Variants in TAFA1 observed in about 807,000 individuals in gnomAD.
TAFA1 encodes the protein chemokine-like protein TAFA-1.
Under a neutral mutation model 18.5 loss-of-function variants are expected in TAFA1, and 4 were observed. The ratio of observed to expected loss-of-function variants is 0.22; its 90% CI spans 0.11 to 0.49. The LOEUF (loss-of-function observed/expected upper bound fraction) is 0.49, where lower values mean the gene tolerates loss of function less well. Among genes scored for constraint, TAFA1 ranks in the 20% least tolerant of loss-of-function variants. TAFA1 has a pLI of 0.98. For synonymous variants in TAFA1, 56 were observed against 55.2 expected (o/e 1.01, Z -0.06); for missense variants, 147 against 169.0 (o/e 0.87, Z 0.72).
chr3:68,169,852 CAGA>C (rs1199298567), intron 2 of TAFA1, among the ~76,000 whole-genome samples: 1 of 152,068 alleles, frequency 6.6e-6, no homozygotes, highest in Middle Eastern at 3.2e-3. Flanking sequence ...AGCAGCTGGC[CAGA>C]AGATTTGATG....
At chr3:68,379,158 C>A (rs2069878512) in intron 2 of TAFA1, among the ~76,000 whole-genome samples, 1 of 152,192 alleles carries the variant, frequency 6.6e-6, no homozygotes, top group Admixed American at 6.5e-5. Flanking sequence ...TTCTTCACAA[C>A]CATGCTAGCA....
chr3:68,363,448 T>C (rs2069510055), intron 2 of TAFA1, among the ~76,000 whole-genome samples: 1 of 152,110 alleles, frequency 6.6e-6, no homozygotes. Flanking sequence ...ACTTGATAGA[T>C]GAAAACACCA....
At chr3:68,414,535 C>T (rs2070775369) in intron 2 of TAFA1, among the ~76,000 whole-genome samples, 1 of 152,136 alleles carries the variant, frequency 6.6e-6, no homozygotes, top group Admixed American at 6.6e-5. Flanking sequence ...TATTTAACCC[C>T]TCTGAGCCTC....
chr3:68,481,084 A>G (rs886278000), intron 3 of TAFA1, among the ~76,000 whole-genome samples: 5 of 152,198 alleles, frequency 3.3e-5, no homozygotes, highest in African/African-American at 1.2e-4. Flanking sequence ...TTCTTTATAA[A>G]TTACTCAGAC....
the TAFA1 span, among the ~76,000 whole-genome samples, chr3:67,995,308 G>C: frequency 6.6e-6 from 1 of 152,072 alleles, no homozygotes; most frequent in Non-Finnish European, 1.5e-5. Context: ...GAACCACTTA[G>C]GGAGCTTTGA....
chr3:68,387,130 T>C (rs2070122688), intron 2 of TAFA1, among the ~76,000 whole-genome samples: 1 of 151,886 alleles, frequency 6.6e-6, no homozygotes, highest in Admixed American at 6.6e-5. Flanking sequence ...AAGAGTGTGA[T>C]GGAACAAATC....
At position 68,287,914 on chromosome 3, in the gene TAFA1, T is replaced by A. The variant is rs77789652; in HGVS notation, c.119-129366T>A. Among the ~76,000 whole-genome samples the A allele has an allele frequency of 3.4e-4, 18 of 53,288 alleles. 1 individual carries two copies. The highest frequency in any genetic ancestry group is 7.2e-4 in the Admixed American group (3 of 4,152). 35.0% of individuals were successfully genotyped at this position (53,288 alleles called of 152,430 possible). ...TTTGCTTTTTGTTTTTGTTGGGGGG[T>A]GGGGGGGCTTTTTGAAAATTTTTTT... On this transcript the variant is annotated intron_variant, in intron 2 of 4. Transcript: ENST00000478136.
intron 2 of TAFA1, among the ~76,000 whole-genome samples, chr3:68,194,358 C>T (rs1316800655): frequency 6.6e-6 from 1 of 151,612 alleles, no homozygotes; most frequent in African/African-American, 2.4e-5. Context: ...ACATTGTTTT[C>T]CCCACGTAGA....
At chr3:68,538,329 T>G (rs1268789089) in intron 3 of TAFA1, among the ~76,000 whole-genome samples, 2 of 152,180 alleles carry the variant, frequency 1.3e-5, no homozygotes, top group African/African-American at 4.8e-5. Flanking sequence ...TTTGTGGCCT[T>G]TCATTAGTTT....
chr3:68,213,846 G>C lies in TAFA1; in HGVS notation c.119-203434G>C, dbSNP rs1043093066. Among the ~76,000 whole-genome samples the C allele has an allele frequency of 8.6e-5, 13 of 152,012 alleles. 1 individual carries two copies. Among genetic ancestry groups the C allele is most frequent in the Admixed American group, 8.5e-4 (13 of 15,250 alleles). On this transcript the variant is annotated intron_variant, in intron 2 of 4. Coordinates refer to ENST00000478136, the MANE Select transcript of TAFA1 (RefSeq NM_213609.4). Reference sequence around the variant, plus strand: ...GAAAGTTCTGCTTAAAGCCAGTAGAGCCTTTAGCACATTCTTCCAATATTG... The same window carrying C: ...GAAAGTTCTGCTTAAAGCCAGTAGACCCTTTAGCACATTCTTCCAATATTG...
At chr3:68,395,504 C>T (rs1369140948) in intron 2 of TAFA1, among the ~76,000 whole-genome samples, 1 of 152,126 alleles carries the variant, frequency 6.6e-6, no homozygotes, top group African/African-American at 2.4e-5. Flanking sequence ...TGCACATGCA[C>T]ACATACGTTT....
At chr3:68,394,236 A>G (rs893864306) in intron 2 of TAFA1, among the ~76,000 whole-genome samples, 9 of 152,168 alleles carry the variant, frequency 5.9e-5, no homozygotes, top group Admixed American at 5.2e-4. Context: ...TAGGAATACA[A>G]CTTACAAGGT....
intron 2 of TAFA1, among the ~76,000 whole-genome samples, chr3:68,100,838 T>C (rs1297231197): frequency 6.6e-6 from 1 of 152,022 alleles, no homozygotes; most frequent in Non-Finnish European, 1.5e-5. Context: ...AGATACCCAT[T>C]ACGATAGCAC....
At chr3:68,235,741 T>C (rs927382711) in intron 2 of TAFA1, among the ~76,000 whole-genome samples, 1 of 152,128 alleles carries the variant, frequency 6.6e-6, no homozygotes, top group Non-Finnish European at 1.5e-5. Flanking sequence ...TTGGTACATA[T>C]ATTGGTAAAA....
intron 2 of TAFA1, among the ~76,000 whole-genome samples, chr3:68,234,167 C>T (rs1183316568): frequency 6.6e-6 from 1 of 152,134 alleles, no homozygotes; most frequent in African/African-American, 2.4e-5. Flanking sequence ...TGAACAGATT[C>T]CCCACTATGG....
intron 2 of TAFA1, among the ~76,000 whole-genome samples, chr3:68,210,082 T>G (rs979995115): frequency 4.0e-5 from 6 of 151,874 alleles, no homozygotes; most frequent in African/African-American, 1.5e-4. Flanking sequence ...AAGGAGAAAA[T>G]AATTGGAACT....
At chr3:68,278,053 T>G (rs2067828494) in intron 2 of TAFA1, among the ~76,000 whole-genome samples, 2 of 152,158 alleles carry the variant, frequency 1.3e-5, no homozygotes, top group African/African-American at 4.8e-5. Flanking sequence ...TTTCTGTAGA[T>G]AGGCTAGAAA....
At chr3:68,312,158 C>T (rs761757127) in intron 2 of TAFA1, among the ~76,000 whole-genome samples, 53 of 152,260 alleles carry the variant, frequency 3.5e-4, no homozygotes, top group Middle Eastern at 3.4e-3. Context: ...GCACACAGCA[C>T]GGGGATCCTG....
chr3:68,301,709 A>T (rs1405332494), intron 2 of TAFA1, among the ~76,000 whole-genome samples: 1 of 152,214 alleles, frequency 6.6e-6, no homozygotes, highest in East Asian at 1.9e-4. Flanking sequence ...TAACTGAGTT[A>T]AAAACTAGCA....
Sources: allele counts gnomAD v4.1 joint callset (sites outside exome capture counted in the v4.1 genomes callset), GRCh38; gene constraint gnomAD v4.1.1; transcripts MANE v1.5; gene names NCBI Gene and HGNC (gene_info 2026-07-23, HGNC 2026-07-21).